The following PXDNL variants were observed in gnomAD, a reference collection of about 807,000 sequenced individuals.
PXDNL encodes the protein probable oxidoreductase PXDNL.
PXDNL carries 145 observed loss-of-function variants against 150.8 expected under a neutral mutation model. The observed-to-expected ratio is 0.96, with a 90% CI of 0.84 to 1.10. PXDNL has a LOEUF of 1.10. Among genes scored for constraint, PXDNL ranks in the 50% least tolerant of loss-of-function variants. The pLI is 0.00. For synonymous variants in PXDNL, 757 were observed against 725.7 expected, an observed-to-expected ratio of 1.04 and a Z score of -0.69; for missense variants, 2,087 against 1,873.9, an observed-to-expected ratio of 1.11 and a Z score of -2.10.
intron 1 of PXDNL, among the ~76,000 whole-genome samples, chr8:51,678,794 C>T (rs905601462): frequency 1.3e-5 from 2 of 151,996 alleles, no homozygotes; most frequent in Non-Finnish European, 2.9e-5. Context: ...GTGCAGCACA[C>T]CAGCATGGCA....
chr8:51,486,217 CAAAAG>C (rs1186120537), intron 5 of PXDNL, among the ~76,000 whole-genome samples: 1 of 152,062 alleles, frequency 6.6e-6, no homozygotes, highest in African/African-American at 2.4e-5. Context: ...CAAAACAAAT[CAAAAG>C]AAAAGTAAAA....
intron 4 of PXDNL, among the ~76,000 whole-genome samples, chr8:51,554,945 G>C (rs2130536677): frequency 6.6e-6 from 1 of 152,264 alleles, no homozygotes; most frequent in Middle Eastern, 3.4e-3. Flanking sequence ...TGGTTCTCCA[G>C]ATTCTTCCCA....
intron 1 of PXDNL, among the ~76,000 whole-genome samples, chr8:51,763,709 C>T (rs2037193464): frequency 1.3e-5 from 2 of 152,080 alleles, no homozygotes; most frequent in South Asian, 4.2e-4. Context: ...TACTTTTATG[C>T]TATTATGAAT....
chr8:51,459,376 C>T (rs1810012069), intron 8 of PXDNL, among the ~76,000 whole-genome samples: 1 of 152,152 alleles, frequency 6.6e-6, no homozygotes, highest in African/African-American at 2.4e-5. Context: ...GATGAAATCA[C>T]ATTTTTCAGA....
At chr8:51,365,574 G>A (rs905181679) in intron 19 of PXDNL, among the ~76,000 whole-genome samples, 4 of 152,180 alleles carry the variant, frequency 2.6e-5, no homozygotes, top group Non-Finnish European at 4.4e-5. Context: ...TCCCTGCTGC[G>A]TTGTATTCTC....
At chr8:51,468,793 C>G (rs1364600843) in intron 8 of PXDNL, among the ~76,000 whole-genome samples, 1 of 151,870 alleles carries the variant, frequency 6.6e-6, no homozygotes, top group Non-Finnish European at 1.5e-5. Context: ...TTCACAGTAT[C>G]ACTCTTCACC....
In PXDNL at chr8:51,447,139, G is replaced by T; in HGVS notation, c.1390C>A (p.Gln464Lys). 2 of 1,613,806 alleles carry T rather than the reference G, an allele frequency of 1.2e-6. No individual in the cohort carries two copies. Among genetic ancestry groups the T allele is most frequent in the Admixed American group, 3.3e-5 (2 of 60,006 alleles). Residue 464 changes from glutamine (Q) to lysine (K), a missense_variant, in exon 12 of 23, where the codon CAG becomes AAG. By Grantham distance (53) the Gln-to-Lys change is moderately conservative. Transcript: ENST00000356297. ...GTGCCAGAGGAGAGAACTGTATGCT[G>T]GCCTTCCACAGGGAGCTGCCCTCCT... Reference protein sequence around the residue: ...KTGGQLPVEGQHTVLSSGTLR... With the variant: ...KTGGQLPVEGKHTVLSSGTLR...
intron 3 of PXDNL, among the ~76,000 whole-genome samples, chr8:51,584,137 C>T (rs1284406610): frequency 1.3e-5 from 2 of 152,154 alleles, no homozygotes; most frequent in Non-Finnish European, 2.9e-5. Context: ...CTCAGGTAGT[C>T]AGCATATTCT....
intron 1 of PXDNL, among the ~76,000 whole-genome samples, chr8:51,788,516 A>G (rs1349986705): frequency 6.6e-6 from 1 of 152,238 alleles, no homozygotes; most frequent in Non-Finnish European, 1.5e-5. Context: ...ATGTATTTGC[A>G]CTTTAAGTCC....
At chr8:51,772,821 T>G (rs1161852534) in intron 1 of PXDNL, among the ~76,000 whole-genome samples, 4 of 152,266 alleles carry the variant, frequency 2.6e-5, no homozygotes, top group Admixed American at 2.0e-4. Context: ...GGGAACCAAC[T>G]ACAGGGAGTG....
chr8:51,358,050 C>T (rs1338143460), intron 19 of PXDNL, among the ~76,000 whole-genome samples: 1 of 152,164 alleles, frequency 6.6e-6, no homozygotes, highest in African/African-American at 2.4e-5. Context: ...AAGCCATCTT[C>T]ACAGGATAAA....
At chr8:51,462,029 A>T (rs1002462493) in intron 8 of PXDNL, among the ~76,000 whole-genome samples, 1 of 152,142 alleles carries the variant, frequency 6.6e-6, no homozygotes, top group Non-Finnish European at 1.5e-5. Flanking sequence ...TCTAGCCACA[A>T]ATTAAGTTCC....
rs544317943 is a variant in PXDNL at position 51,748,118 on chromosome 8, G to C, written c.164+61063C>G. Among the ~76,000 whole-genome samples the C allele has an allele frequency of 4.3e-4, 65 of 152,206 alleles. 2 individuals carry two copies. The highest frequency in any genetic ancestry group is 6.8e-3 in the Middle Eastern group (2 of 294). Reference sequence around the variant, plus strand: ...TTGGTAGTGTAGGACACAGTCAGAGGGCTTCTAACTCAAAGCCTCCTAGTC... The same window carrying C: ...TTGGTAGTGTAGGACACAGTCAGAGCGCTTCTAACTCAAAGCCTCCTAGTC... On this transcript the variant is annotated intron_variant, in intron 1 of 22. Coordinates refer to ENST00000356297, the MANE Select transcript of PXDNL (RefSeq NM_144651.5).
intron 2 of PXDNL, among the ~76,000 whole-genome samples, chr8:51,613,766 G>A (rs987909432): frequency 1.2e-4 from 18 of 152,166 alleles, no homozygotes; most frequent in Admixed American, 6.5e-4. Flanking sequence ...CAAACTCCAC[G>A]AGGCACATCT....
At chr8:51,803,395 CTGTCCTTCA>C (rs2037641822) in intron 1 of PXDNL, among the ~76,000 whole-genome samples, 1 of 152,166 alleles carries the variant, frequency 6.6e-6, no homozygotes, top group African/African-American at 2.4e-5. Flanking sequence ...AAAACTCTCC[CTGTCCTTCA>C]TAAAAACAAA....
At chr8:51,492,416 A>G (rs1821113) in intron 5 of PXDNL, among the ~76,000 whole-genome samples, 145,840 of 152,116 alleles carry the variant, frequency 0.96, 70,216 homozygotes, top group East Asian at 1. Context: ...ATCTCACTGG[A>G]GAGTGTCAGA....
At chr8:51,341,935 T>C (rs1420892546) in intron 20 of PXDNL, among the ~76,000 whole-genome samples, 1 of 152,188 alleles carries the variant, frequency 6.6e-6, no homozygotes, top group African/African-American at 2.4e-5. Context: ...CCATTTCATC[T>C]AGCAATCCCA....
Position 51,408,424 on chromosome 8 carries a change from A to C in PXDNL, c.3200T>G (p.Leu1067Arg), listed in dbSNP as rs373232120. 7 of 1,613,932 alleles carry C rather than the reference A, an allele frequency of 4.3e-6. No individual in the cohort carries two copies. Among genetic ancestry groups the C allele is most frequent in the Non-Finnish European group, 2.5e-6 (3 of 1,179,904 alleles). ...HTLINPILYR[L>R]NATLGEISEG... ...GGAAATTTCACCTAAGGTGGCATTC[A>C]GTCGGTAAAGAATAGGATTGATTAA... Residue 1067 changes from leucine to arginine, a missense_variant, in exon 17 of 23, where the codon CTG becomes CGG. Physicochemically the swap from Leu to Arg is moderately radical, Grantham distance 102. Transcript: ENST00000356297.
At chr8:51,726,438 C>T (rs1006938522) in intron 1 of PXDNL, among the ~76,000 whole-genome samples, 4 of 152,358 alleles carry the variant, frequency 2.6e-5, no homozygotes, top group African/African-American at 4.8e-5. Flanking sequence ...GCTGCCCTTA[C>T]CTCCCTGTCT....
Sources: allele counts gnomAD v4.1 joint callset (sites outside exome capture counted in the v4.1 genomes callset), GRCh38; gene constraint gnomAD v4.1.1; transcripts MANE v1.5; gene names NCBI Gene and HGNC (gene_info 2026-07-23, HGNC 2026-07-21).